SLC14A2: variants seen among roughly 807,000 people sequenced by gnomAD.
The protein encoded by SLC14A2 is urea transporter 2.
SLC14A2 carries 91 observed loss-of-function variants against 104.6 expected under a neutral mutation model. That is an observed-to-expected ratio of 0.87 (90% CI 0.73 to 1.04). SLC14A2 has a LOEUF of 1.04. SLC14A2 is among the 50% of genes least tolerant of loss of function. SLC14A2 has a pLI of 0.00. For missense variants in SLC14A2, 1,189 were observed against 1,156.0 expected (o/e 1.03, Z -0.41); for synonymous variants, 476 against 466.4 (o/e 1.02, Z -0.27).
At chr18:45,426,318 G>C (rs1295669347) in intron 1 of SLC14A2, among the ~76,000 whole-genome samples, 1 of 152,026 alleles carries the variant, frequency 6.6e-6, no homozygotes, top group Non-Finnish European at 1.5e-5. Context: ...GTTACAAAGC[G>C]TGTAATCATC....
chr18:45,551,154 C>T (rs1458512633), intron 2 of SLC14A2, among the ~76,000 whole-genome samples: 2 of 152,126 alleles, frequency 1.3e-5, no homozygotes, highest in African/African-American at 4.8e-5. Flanking sequence ...AGTTCTGCTA[C>T]AGGCAGGAAA....
rs140613042 is a variant in SLC14A2 at position 45,562,649 on chromosome 18, G to T, written c.-34-61982G>T. ...ATGTGGCTTGTTGGCCCGGGCAGCC[G>T]GCCTGGGTGGTATTTTTCCATTACT... is the stretch of plus-strand genomic sequence containing the variant. On this transcript the variant is annotated intron_variant, in intron 2 of 20. Transcript: ENST00000586448. 6.4e-3 allele frequency among the ~76,000 whole-genome samples: 980 copies of T among 152,228 alleles called. 10 individuals carry two copies. Among genetic ancestry groups the T allele is most frequent in the Non-Finnish European group, 0.011 (754 of 68,018 alleles).
chr18:45,580,986 C>T (rs1404252434), intron 2 of SLC14A2, among the ~76,000 whole-genome samples: 1 of 152,074 alleles, frequency 6.6e-6, no homozygotes, highest in Non-Finnish European at 1.5e-5. Context: ...TTCTGCAGGA[C>T]AGCTGGAAGG....
chr18:45,174,012 C>T, the SLC14A2 span, among the ~76,000 whole-genome samples: 11 of 152,140 alleles, frequency 7.2e-5, no homozygotes, highest in Non-Finnish European at 1.2e-4. Flanking sequence ...CTGAGTTTCA[C>T]TTTAAACGGT....
chr18:45,369,490 A>G (rs1330154324), intron 1 of SLC14A2, among the ~76,000 whole-genome samples: 1 of 152,200 alleles, frequency 6.6e-6, no homozygotes, highest in African/African-American at 2.4e-5. Flanking sequence ...CCAGGGACCA[A>G]AGATGGGTAT....
At chr18:45,543,110 G>A (rs1283871374) in intron 2 of SLC14A2, among the ~76,000 whole-genome samples, 7 of 151,634 alleles carry the variant, frequency 4.6e-5, no homozygotes, top group Middle Eastern at 3.5e-3. Flanking sequence ...CACCACGCCC[G>A]GCTAGTTTTT....
intron 1 of SLC14A2, among the ~76,000 whole-genome samples, chr18:45,295,955 G>T (rs2084914438): frequency 6.6e-6 from 1 of 152,028 alleles, no homozygotes; most frequent in South Asian, 2.1e-4. Flanking sequence ...AGGAAAGGAA[G>T]ATTCTTAGTG....
At chr18:45,632,826 C>A (rs556736235) in intron 5 of SLC14A2, among the ~76,000 whole-genome samples, 1 of 152,132 alleles carries the variant, frequency 6.6e-6, no homozygotes, top group Admixed American at 6.5e-5. Context: ...TACAGGCACC[C>A]GCCACCACGC....
chr18:45,482,478 T>C (rs765275463), intron 1 of SLC14A2: 1 of 152,158 alleles, frequency 6.6e-6, no homozygotes, highest in African/African-American at 2.4e-5. Context: ...ATGAAGGTAT[T>C]TGATGGAGCT....
intron 10 of SLC14A2, among the ~76,000 whole-genome samples, chr18:45,645,329 G>T (rs150518721): frequency 2.0e-5 from 3 of 152,180 alleles, no homozygotes; most frequent in Admixed American, 6.5e-5. Context: ...ACAATAGAAT[G>T]ATTTATAATC....
chr18:45,478,932 CT>C (rs1468355186), intron 1 of SLC14A2, among the ~76,000 whole-genome samples: 2 of 152,174 alleles, frequency 1.3e-5, no homozygotes, highest in African/African-American at 2.4e-5. Flanking sequence ...TCCAGGGATG[CT>C]TTTACAGGCA....
intron 1 of SLC14A2, among the ~76,000 whole-genome samples, chr18:45,615,827 G>A (rs796599851): frequency 1.4e-5 from 2 of 147,094 alleles, no homozygotes; most frequent in African/African-American, 5.3e-5. Context: ...ATGTGTGTGT[G>A]TGTGTGTGTG....
chr18:45,388,636 C>A (rs189181061), intron 1 of SLC14A2, among the ~76,000 whole-genome samples: 2 of 152,132 alleles, frequency 1.3e-5, no homozygotes, highest in African/African-American at 4.8e-5. Flanking sequence ...TCTCTGCCAC[C>A]CGCCCTTATA....
chr18:45,566,487 C>T (rs997716852), intron 2 of SLC14A2, among the ~76,000 whole-genome samples: 3 of 147,944 alleles, frequency 2.0e-5, no homozygotes, highest in African/African-American at 5.0e-5. Flanking sequence ...TCGTCACCCT[C>T]GACATGCATG....
chr18:45,452,230 G>A (rs539886979), intron 1 of SLC14A2, among the ~76,000 whole-genome samples: 197 of 152,292 alleles, frequency 1.3e-3, no homozygotes, highest in African/African-American at 4.4e-3. Flanking sequence ...TCCCAGGTCT[G>A]CCATTTACTA....
chr18:45,672,080 C>T (rs1017625245), intron 16 of SLC14A2, among the ~76,000 whole-genome samples: 3 of 152,190 alleles, frequency 2.0e-5, no homozygotes, highest in African/African-American at 4.8e-5. Flanking sequence ...AGATGCTGGG[C>T]GATACTACCT....
At chr18:45,632,042 T>C (rs979014961) in intron 4 of SLC14A2, among the ~76,000 whole-genome samples, 4 of 152,178 alleles carry the variant, frequency 2.6e-5, no homozygotes, top group Admixed American at 6.5e-5. Context: ...ATTCCCTCTA[T>C]ATTTAGCAGT....
At chr18:45,445,248 A>G (rs1223165955) in intron 1 of SLC14A2, among the ~76,000 whole-genome samples, 2 of 151,660 alleles carry the variant, frequency 1.3e-5, no homozygotes, top group African/African-American at 4.8e-5. Context: ...AGTAGCTGGG[A>G]CTACAGGCAT....
intron 1 of SLC14A2, among the ~76,000 whole-genome samples, chr18:45,386,595 G>C (rs921558577): frequency 6.6e-6 from 1 of 152,200 alleles, no homozygotes; most frequent in African/African-American, 2.4e-5. Context: ...AGCATTAGCA[G>C]ATTAACTGAG....
Sources: gnomAD v4.1 joint callset for allele counts (sites outside exome capture counted in the v4.1 genomes callset) on GRCh38, gnomAD v4.1.1 for gene constraint, MANE v1.5 for transcripts, NCBI Gene and HGNC (gene_info 2026-07-23, HGNC 2026-07-21) for gene names.